Variants in OTOG observed in about 807,000 individuals in gnomAD.
The protein encoded by OTOG is otogelin.
A neutral mutation model predicts 313.8 loss-of-function variants in OTOG; 296 were observed. The ratio of observed to expected loss-of-function variants is 0.94; its 90% CI spans 0.86 to 1.04. The LOEUF (loss-of-function observed/expected upper bound fraction) is 1.04. Ranked by LOEUF, OTOG falls within the 50% of genes least tolerant of loss-of-function variation. The pLI is 0.00. For synonymous variants in OTOG, 1,533 were observed against 1,554.9 expected, an observed-to-expected ratio of 0.99 and a Z score of 0.33; for missense variants, 3,948 against 3,840.1, an observed-to-expected ratio of 1.03 and a Z score of -0.74.
Position 17,631,832 on chromosome 11 carries a change from C to T in OTOG, c.6843C>T (p.Thr2281=), listed in dbSNP as rs557563429. ...VPSSLTSVGQ[T]RFRPDSCATT... ...GCTCCCTGACCTCAGTGGGCCAGAC[C>T]CGCTTCCGCCCAGACAGCTGCGCCA... The change falls in exon 41 of 56, where the codon ACC becomes ACT. Residue 2281 remains threonine, a synonymous_variant. Transcript: ENST00000399397. 6.4e-7 allele frequency: 1 copy of T among 1,550,508 alleles called. No homozygotes were observed. Among genetic ancestry groups the T allele is most frequent in the Non-Finnish European group, 8.7e-7 (1 of 1,147,016 alleles).
intron 33 of OTOG, among the ~76,000 whole-genome samples, chr11:17,608,037 G>C (rs1853430793): frequency 6.6e-6 from 1 of 152,098 alleles, no homozygotes; most frequent in African/African-American, 2.4e-5. Flanking sequence ...GAGCTTCCCT[G>C]TCCTCAGTTC....
At chr11:17,586,749 T>C (rs370141914) in intron 24 of OTOG, among the ~76,000 whole-genome samples, 168 bp downstream of exon 24, 87 of 152,352 alleles carry the variant, frequency 5.7e-4, no homozygotes, top group African/African-American at 2.0e-3. Context: ...TAGGAGTATA[T>C]GCATACAAAG....
chr11:17,577,046 C>T, intron 22 of OTOG, 135 bp downstream of exon 22: 2 of 908,558 alleles, frequency 2.2e-6, no homozygotes, highest in South Asian at 3.6e-5. Context: ...TATTCCTTGC[C>T]CTCTTGGCAA....
At chr11:17,605,505 C>G (rs11024339) in intron 32 of OTOG, among the ~76,000 whole-genome samples, 36,358 of 152,058 alleles carry the variant, frequency 0.24, 4,737 homozygotes, top group African/African-American at 0.33. Context: ...ATGGATCCTG[C>G]GTATCTAGAA....
chr11:17,605,823 C>A (rs1439213546), intron 32 of OTOG, 34 bp from the exon 33 acceptor site: 2 of 1,507,030 alleles, frequency 1.3e-6, no homozygotes, highest in East Asian at 2.5e-5. Context: ...TGGACCTCTG[C>A]CTGTACTGAC....
chr11:17,600,506 A>G (rs1336984674), intron 31 of OTOG, among the ~76,000 whole-genome samples: 1 of 152,310 alleles, frequency 6.6e-6, no homozygotes, highest in Admixed American at 6.5e-5. Context: ...TGCCTGCATT[A>G]TCAGATTTTG....
rs1590000662 is a variant in OTOG, at chr11:17,561,847, C to A, written c.1644+40C>A. The A allele has an allele frequency of 6.5e-6, 10 of 1,547,942 alleles. No homozygotes were observed. In the East Asian group the frequency reaches 2.4e-4, roughly 38 times the overall value. The stretch of plus-strand genomic sequence containing the variant: ...TCCCCAGGCCCGATCCACCCAGCTA[C>A]TCCTGCCTACTGCCCCCAAGAGAGA... On this transcript the variant is annotated intron_variant, in intron 15 of 55. Coordinates refer to ENST00000399397, the MANE Select transcript of OTOG (RefSeq NM_001292063.2).
chr11:17,635,979 A>G (rs750037472), intron 47 of OTOG, among the ~76,000 whole-genome samples: 12 of 152,102 alleles, frequency 7.9e-5, no homozygotes, highest in Non-Finnish European at 1.3e-4. Flanking sequence ...AAGGACAAAT[A>G]CTTGGGTCCC....
Position 17,548,259 on chromosome 11 carries a change from C to T in OTOG, c.216+47C>T, listed in dbSNP as rs972920314. 13 of 1,467,154 alleles carry T rather than the reference C, an allele frequency of 8.9e-6. No individual in the cohort carries two copies. In the African/African-American group the frequency reaches 1.8e-4, roughly 21 times the overall value. 90.9% of individuals were successfully genotyped at this position (1,467,154 alleles called of 1,614,324 possible). ...GGCTTCATTGAGCAGGAGCTCATGT[C>T]TATCTGGATCTGAGGCTGGCAGGGA... On this transcript the variant is annotated intron_variant, in intron 3 of 55. Transcript: ENST00000399397.
chr11:17,611,290 A>G lies in OTOG; in HGVS notation c.5990A>G (p.His1997Arg), dbSNP rs1231869345. Residue 1997 changes from histidine (H) to arginine (R), a missense_variant, in exon 36 of 56, where the codon CAC becomes CGC. By Grantham distance (29) the His-to-Arg change is conservative. Transcript: ENST00000399397. Reference protein sequence around the residue: ...AEAHGTSAGPHLAAEPVDEAT... With the variant: ...AEAHGTSAGPRLAAEPVDEAT... ...GCCCATGGAACCTCGGCAGGGCCTC[A>G]CCTGGCAGCAGAGCCGGTGGACGAG... is the stretch of plus-strand genomic sequence containing the variant. 6.5e-7 allele frequency: 1 copy of G among 1,550,332 alleles called. No individual in the cohort carries two copies. Among genetic ancestry groups the G allele is most frequent in the African/African-American group, 1.4e-5 (1 of 72,996 alleles).
At position 17,576,879 on chromosome 11, in the gene OTOG, A is replaced by T. The variant is rs1852541460; in HGVS notation, c.2573A>T (p.Asp858Val). The T allele has an allele frequency of 2.6e-6, 4 of 1,550,322 alleles. No individual in the cohort carries two copies. In the South Asian group the frequency reaches 4.8e-5, roughly 18 times the overall value. Residue 858 changes from aspartate (D) to valine (V), a missense_variant, in exon 22 of 56, where the codon GAT becomes GTT. Coordinates refer to ENST00000399397, the MANE Select transcript of OTOG (RefSeq NM_001292063.2). ...GTCTCTCTCTGCAGCCACTGCAAAG[A>T]TGGAGTCATGAGCTGTGATAGCAGA... Reference protein sequence around the residue: ...IPSLGHCHCKDGVMSCDSRAP... With the variant: ...IPSLGHCHCKVGVMSCDSRAP...
intron 23 of OTOG, among the ~76,000 whole-genome samples, chr11:17,584,091 A>G (rs1852736976): frequency 6.6e-6 from 1 of 152,194 alleles, no homozygotes; most frequent in East Asian, 1.9e-4. Flanking sequence ...TTATTTTATT[A>G]ATTTTCCATT....
chr11:17,570,960 A>G (rs1287050068), intron 17 of OTOG, among the ~76,000 whole-genome samples: 1 of 152,124 alleles, frequency 6.6e-6, no homozygotes, highest in African/African-American at 2.4e-5. Flanking sequence ...ATATTCAGGG[A>G]AAGGCTGTTT....
At chr11:17,586,364 G>A (rs1250581493) in intron 23 of OTOG, 110 bp from the exon 24 acceptor site, 2 of 506,236 alleles carry the variant, frequency 4.0e-6, no homozygotes, top group East Asian at 3.6e-5. Flanking sequence ...TCTCTTCTAG[G>A]GTAAATGCTG....
At chr11:17,556,742 C>T (rs149424241) in intron 7 of OTOG, among the ~76,000 whole-genome samples, 243 of 152,304 alleles carry the variant, frequency 1.6e-3, no homozygotes, top group African/African-American at 5.7e-3. Flanking sequence ...GTCAAGGCTG[C>T]TGGAGCCCGC....
chr11:17,640,497 T>C (rs1847946005), intron 49 of OTOG, among the ~76,000 whole-genome samples: 1 of 152,186 alleles, frequency 6.6e-6, no homozygotes, highest in African/African-American at 2.4e-5. Flanking sequence ...TGAGAAGTAG[T>C]GTGAGCCACC....
intron 7 of OTOG, 114 bp from the exon 8 acceptor site, chr11:17,557,004 G>A (rs1214978721): frequency 5.3e-6 from 5 of 949,004 alleles, no homozygotes; most frequent in Non-Finnish European, 7.9e-6. Flanking sequence ...AATTCATGGG[G>A]AGGGGAAGTG....
At chr11:17,564,375 G>A (rs955529672) in intron 15 of OTOG, among the ~76,000 whole-genome samples, 1 of 152,208 alleles carries the variant, frequency 6.6e-6, no homozygotes, top group African/African-American at 2.4e-5. Flanking sequence ...CATGACAGAA[G>A]TGGCATTTGG....
At position 17,553,480 on chromosome 11, in the gene OTOG, G is replaced by A; in HGVS notation, c.501G>A (p.Val167=). Residue 167 remains valine (V), a synonymous_variant, in exon 6 of 56, where the codon GTG becomes GTA. Transcript: ENST00000399397. The part of the protein sequence containing the change: ...YLSGKGSYTL[V]GRHEPEGQSF... ...CCGGAAAGGGCAGCTACACCCTGGT[G>A]GGTCGCCATGAGCCCGAGGGACAGA... is the stretch of plus-strand genomic sequence containing the variant. 3 of 1,456,200 alleles carry A rather than the reference G, an allele frequency of 2.1e-6. No individual in the cohort carries two copies. The highest frequency in any genetic ancestry group is 2.8e-5 in the Admixed American group (1 of 35,508). 90.2% of individuals were successfully genotyped at this position (1,456,200 alleles called of 1,614,324 possible).
Sources: allele counts gnomAD v4.1 joint callset (sites outside exome capture counted in the v4.1 genomes callset), GRCh38; gene constraint gnomAD v4.1.1; transcripts MANE v1.5; gene names NCBI Gene and HGNC (gene_info 2026-07-23, HGNC 2026-07-21).